Variants in CCBE1 observed in about 807,000 individuals in gnomAD.
The protein encoded by CCBE1 is collagen and calcium-binding EGF domain-containing protein 1.
Under a neutral mutation model 50.0 loss-of-function variants are expected in CCBE1, and 37 were observed. The observed-to-expected ratio is 0.74, with a 90% CI of 0.57 to 0.97. The LOEUF (loss-of-function observed/expected upper bound fraction) is 0.97, where lower values mean the gene tolerates loss of function less well. CCBE1 is among the 50% of genes least tolerant of loss of function. The pLI is 0.00. For synonymous variants in CCBE1, 234 were observed against 203.7 expected (o/e 1.15, Z -1.27); for missense variants, 538 against 523.8 (o/e 1.03, Z -0.26).
At chr18:59,596,333 T>C (rs536719899) in intron 2 of CCBE1, among the ~76,000 whole-genome samples, 42 of 152,308 alleles carry the variant, frequency 2.8e-4, no homozygotes, top group Middle Eastern at 3.4e-3. Flanking sequence ...GAAGTCTACT[T>C]TTTAAAAATA....
intron 2 of CCBE1, among the ~76,000 whole-genome samples, chr18:59,486,431 C>T (rs1429651487): frequency 4.6e-5 from 7 of 152,132 alleles, no homozygotes; most frequent in Non-Finnish European, 7.4e-5. Flanking sequence ...TTCAAGAGGC[C>T]GGAAAAGAAA....
intron 2 of CCBE1, among the ~76,000 whole-genome samples, chr18:59,535,962 A>G (rs1915231160): frequency 6.6e-6 from 1 of 152,232 alleles, no homozygotes; most frequent in South Asian, 2.1e-4. Flanking sequence ...TGTTTGGATT[A>G]CAGGCACAAG....
At chr18:59,693,705 TCAAA>T (rs1229631082) in intron 2 of CCBE1, among the ~76,000 whole-genome samples, 1 of 152,158 alleles carries the variant, frequency 6.6e-6, no homozygotes, top group Non-Finnish European at 1.5e-5. Flanking sequence ...CGTTTTATAC[TCAAA>T]CATTTTCTAG....
chr18:59,605,875 G>T (rs2053491316), intron 2 of CCBE1, among the ~76,000 whole-genome samples: 1 of 152,152 alleles, frequency 6.6e-6, no homozygotes. Context: ...GCAGTTTTTG[G>T]GAGGAAAAGG....
At chr18:59,553,817 C>T (rs1338385544) in intron 2 of CCBE1, among the ~76,000 whole-genome samples, 2 of 152,278 alleles carry the variant, frequency 1.3e-5, no homozygotes, top group East Asian at 3.9e-4. Flanking sequence ...CTATGGCGAC[C>T]CGGAGGCCAG....
At chr18:59,546,983 T>C (rs1351370191) in intron 2 of CCBE1, among the ~76,000 whole-genome samples, 2 of 139,032 alleles carry the variant, frequency 1.4e-5, no homozygotes, top group African/African-American at 2.7e-5. Flanking sequence ...GAGAATTACA[T>C]GGGGTTTAAA....
chr18:59,578,054 T>A (rs2053024995), intron 2 of CCBE1, among the ~76,000 whole-genome samples: 1 of 151,086 alleles, frequency 6.6e-6, no homozygotes, highest in African/African-American at 2.4e-5. Context: ...AGTTTTACAA[T>A]CTATCTATCT....
intron 2 of CCBE1, among the ~76,000 whole-genome samples, chr18:59,526,627 C>A (rs1914833830): frequency 6.6e-6 from 1 of 152,068 alleles, no homozygotes; most frequent in African/African-American, 2.4e-5. Flanking sequence ...ATCTTTTTAG[C>A]CTTTTGATGT....
intron 2 of CCBE1, among the ~76,000 whole-genome samples, chr18:59,692,594 C>T (rs183641160): frequency 6.6e-6 from 1 of 152,294 alleles, no homozygotes; most frequent in East Asian, 1.9e-4. Flanking sequence ...TAGTACTATT[C>T]TAATTAAAAG....
chr18:59,494,682 A>G (rs1913265081), intron 2 of CCBE1, among the ~76,000 whole-genome samples: 1 of 152,208 alleles, frequency 6.6e-6, no homozygotes, highest in South Asian at 2.1e-4. Flanking sequence ...AAATCAGAAG[A>G]GAGCTAATTA....
At chr18:59,512,068 T>C (rs1447323570) in intron 2 of CCBE1, among the ~76,000 whole-genome samples, 1 of 152,256 alleles carries the variant, frequency 6.6e-6, no homozygotes, top group Non-Finnish European at 1.5e-5. Flanking sequence ...TACACAAGTT[T>C]CTACTTCCAG....
rs116871407 is a variant in CCBE1 at position 59,653,927 on chromosome 18, A to T, written c.212+42702T>A. Among the ~76,000 whole-genome samples the T allele has an allele frequency of 3.4e-3, 516 of 152,362 alleles. 12 individuals are homozygous for T. The East Asian group carries it at 0.046, about 13-fold the overall frequency. ...TATCATAAGCAAAAATGTTGGATTA[A>T]TAAGGAACACTGATACATAAAACTA... is the stretch of plus-strand genomic sequence containing the variant. On this transcript the variant is annotated intron_variant, in intron 2 of 10. Transcript: ENST00000439986.
chr18:59,473,878 C>A (rs1912181148), intron 3 of CCBE1, among the ~76,000 whole-genome samples: 1 of 148,762 alleles, frequency 6.7e-6, no homozygotes, highest in African/African-American at 2.5e-5. Flanking sequence ...ACCTTCCAAC[C>A]CTCCCACTAT....
chr18:59,508,247 G>A (rs1913972753), intron 2 of CCBE1, among the ~76,000 whole-genome samples: 1 of 151,940 alleles, frequency 6.6e-6, no homozygotes, highest in Admixed American at 6.6e-5. Context: ...AAGAGCTTTG[G>A]CTTTGGAGTC....
At chr18:59,578,944 A>G (rs1326644003) in intron 2 of CCBE1, among the ~76,000 whole-genome samples, 2 of 152,242 alleles carry the variant, frequency 1.3e-5, no homozygotes, top group African/African-American at 4.8e-5. Context: ...GACTTAAGGT[A>G]TAATAATTTT....
chr18:59,531,446 A>C (rs1479316464), intron 2 of CCBE1, among the ~76,000 whole-genome samples: 1 of 152,192 alleles, frequency 6.6e-6, no homozygotes, highest in African/African-American at 2.4e-5. Flanking sequence ...GAGCCAAAAA[A>C]AATTTTGTCC....
intron 2 of CCBE1, among the ~76,000 whole-genome samples, chr18:59,663,131 A>G (rs1346685403): frequency 6.6e-6 from 1 of 152,312 alleles, no homozygotes; most frequent in East Asian, 1.9e-4. Context: ...AGGAAGAAGG[A>G]TAAGATACTT....
intron 2 of CCBE1, among the ~76,000 whole-genome samples, chr18:59,663,502 G>A (rs1365639068): frequency 6.6e-6 from 1 of 152,114 alleles, no homozygotes; most frequent in Non-Finnish European, 1.5e-5. Flanking sequence ...ATGCTGCAGA[G>A]TTCTGTGAGG....
chr18:59,577,570 G>C (rs748025366), intron 2 of CCBE1, among the ~76,000 whole-genome samples: 1 of 152,146 alleles, frequency 6.6e-6, no homozygotes, highest in East Asian at 1.9e-4. Flanking sequence ...AGAATTTGTG[G>C]ATTTTTAAGA....
Sources: gnomAD v4.1 joint callset for allele counts (sites outside exome capture counted in the v4.1 genomes callset) on GRCh38, gnomAD v4.1.1 for gene constraint, MANE v1.5 for transcripts, NCBI Gene and HGNC (gene_info 2026-07-23, HGNC 2026-07-21) for gene names.